EYS: variants seen among roughly 807,000 people sequenced by gnomAD.
The protein encoded by EYS is protein eyes shut homolog.
EYS carries 250 observed loss-of-function variants against 282.1 expected under a neutral mutation model. That is an observed-to-expected ratio of 0.89 (90% CI 0.80 to 0.98). The LOEUF is 0.98. Among genes scored for constraint, EYS ranks in the 50% least tolerant of loss-of-function variants. The pLI is 0.00. For missense variants in EYS, 4,016 were observed against 3,709.0 expected, an observed-to-expected ratio of 1.08 and a Z score of -2.15; for synonymous variants, 1,355 against 1,282.9, an observed-to-expected ratio of 1.06 and a Z score of -1.20.
chr6:64,080,452 AT>A (rs1771925798), intron 32 of EYS, among the ~76,000 whole-genome samples: 2 of 152,064 alleles, frequency 1.3e-5, no homozygotes, highest in South Asian at 4.1e-4. Flanking sequence ...GATTCTGGAT[AT>A]TAGCCCTTTG....
At chr6:64,937,809 T>C (rs1768958904) in intron 15 of EYS, among the ~76,000 whole-genome samples, 1 of 151,664 alleles carries the variant, frequency 6.6e-6, no homozygotes, top group African/African-American at 2.4e-5. Flanking sequence ...TGAAAATATA[T>C]GTCTGGACAT....
intron 22 of EYS, among the ~76,000 whole-genome samples, chr6:64,791,107 T>G (rs1003311450): frequency 1.3e-5 from 2 of 151,914 alleles, no homozygotes; most frequent in African/African-American, 4.8e-5. Flanking sequence ...TTTCTCATTC[T>G]CCTTTCATCA....
intron 30 of EYS, among the ~76,000 whole-genome samples, chr6:64,267,932 T>C (rs1420374691): frequency 1.3e-5 from 2 of 152,130 alleles, no homozygotes; most frequent in Non-Finnish European, 2.9e-5. Context: ...GTGATAGGAA[T>C]TGAACTGACA....
chr6:64,674,331 A>G (rs1769575013), intron 22 of EYS, among the ~76,000 whole-genome samples: 1 of 152,078 alleles, frequency 6.6e-6, no homozygotes. Flanking sequence ...TTGAGACTTT[A>G]TTCACTAATA....
intron 12 of EYS, among the ~76,000 whole-genome samples, chr6:65,248,018 C>T (rs540383618): frequency 1.1e-4 from 16 of 151,876 alleles, no homozygotes; most frequent in African/African-American, 3.9e-4. Flanking sequence ...TATAATTTCC[C>T]CTACAATTTA....
intron 2 of EYS, among the ~76,000 whole-genome samples, chr6:65,547,291 T>C (rs1470138073): frequency 6.6e-6 from 1 of 151,566 alleles, no homozygotes; most frequent in African/African-American, 2.4e-5. Context: ...AATGGCTGCA[T>C]GATATGAATC....
chr6:65,461,563 T>A (rs143477061), intron 5 of EYS, among the ~76,000 whole-genome samples: 1 of 152,212 alleles, frequency 6.6e-6, no homozygotes, highest in African/African-American at 2.4e-5. Context: ...ATCTGCTGTG[T>A]ATGCCCCTCC....
At chr6:63,893,383 A>G (rs1773456497) in intron 35 of EYS, among the ~76,000 whole-genome samples, 1 of 152,108 alleles carries the variant, frequency 6.6e-6, no homozygotes. Flanking sequence ...ACACCATGGA[A>G]TACTATGCAG....
intron 28 of EYS, among the ~76,000 whole-genome samples, chr6:64,411,929 GTA>G (rs779976307): frequency 6.6e-5 from 10 of 151,258 alleles, no homozygotes; most frequent in East Asian, 1.9e-4. Flanking sequence ...ATGCATGTAT[GTA>G]TATATGTTTA....
At chr6:65,698,057 G>T (rs9342495) in intron 1 of EYS, among the ~76,000 whole-genome samples, 1 of 152,032 alleles carries the variant, frequency 6.6e-6, no homozygotes, top group Admixed American at 6.6e-5. Context: ...TGTCAGGGTG[G>T]GAGGGAGACG....
At chr6:65,658,533 T>C (rs1022201558) in intron 1 of EYS, among the ~76,000 whole-genome samples, 2 of 151,638 alleles carry the variant, frequency 1.3e-5, no homozygotes. Flanking sequence ...ATTAATAAAC[T>C]CCCTGAAAAC....
intron 22 of EYS, among the ~76,000 whole-genome samples, chr6:64,739,942 C>T (rs1375077046): frequency 6.6e-6 from 1 of 152,004 alleles, no homozygotes; most frequent in African/African-American, 2.4e-5. Context: ...AGTTGTTACA[C>T]ACATTAGGCT....
chr6:64,895,576 G>T (rs1449879938), intron 18 of EYS, among the ~76,000 whole-genome samples: 1 of 152,134 alleles, frequency 6.6e-6, no homozygotes, highest in African/African-American at 2.4e-5. Context: ...TAATTAAGAT[G>T]TATGACACTA....
At chr6:63,730,697 C>T (rs1480304522) in intron 41 of EYS, among the ~76,000 whole-genome samples, 1 of 152,146 alleles carries the variant, frequency 6.6e-6, no homozygotes, top group Non-Finnish European at 1.5e-5. Flanking sequence ...TTAACCACTG[C>T]CATGTTGCCA....
chr6:64,085,609 G>A (rs2149872221), intron 31 of EYS, among the ~76,000 whole-genome samples: 1 of 152,092 alleles, frequency 6.6e-6, no homozygotes, highest in South Asian at 2.1e-4. Context: ...GTTAAATCTT[G>A]CTTTTAGGTA....
Position 63,720,204 on chromosome 6 carries a change from A to T in EYS, c.*392T>A. On this transcript the variant is annotated 3_prime_UTR_variant, in exon 43 of 43. Transcript: ENST00000503581. ...CTTGATTTTTTTCTTATTTGTACCT[A>T]TCCCTAATTCATTCCCAACTGAATT... 1 of 258,002 alleles carries T rather than the reference A, an allele frequency of 3.9e-6. No homozygotes were observed. The allele number at this position is 258,002 out of a possible 1,614,324, so 16.0% of individuals were successfully genotyped here.
At chr6:65,705,620 A>G (rs1769849131) in intron 1 of EYS, among the ~76,000 whole-genome samples, 1 of 152,186 alleles carries the variant, frequency 6.6e-6, no homozygotes, top group Non-Finnish European at 1.5e-5. Context: ...AGTTGGTTAA[A>G]ATGCAGAAAA....
chr6:64,369,951 G>C (rs1561955087), intron 29 of EYS, among the ~76,000 whole-genome samples: 1 of 151,718 alleles, frequency 6.6e-6, no homozygotes, highest in South Asian at 2.1e-4. Flanking sequence ...GAGTTTTCTT[G>C]GTATAGAATC....
chr6:65,548,922 T>C (rs1025806995), intron 2 of EYS, among the ~76,000 whole-genome samples: 2 of 152,144 alleles, frequency 1.3e-5, no homozygotes, highest in Non-Finnish European at 2.9e-5. Flanking sequence ...ACCAGTTTCC[T>C]GGAAGACAAT....
Sources: gnomAD v4.1 joint callset for allele counts (sites outside exome capture counted in the v4.1 genomes callset) on GRCh38, gnomAD v4.1.1 for gene constraint, MANE v1.5 for transcripts, NCBI Gene and HGNC (gene_info 2026-07-23, HGNC 2026-07-21) for gene names.